CCDC85A: variants seen among roughly 807,000 people sequenced by gnomAD.
The protein encoded by CCDC85A is coiled-coil domain containing 85A, also known as coiled-coil domain-containing protein 85A.
In CCDC85A, 38 loss-of-function variants were observed where a neutral mutation model predicts 50.2. That is an observed-to-expected ratio of 0.76 (90% CI 0.58 to 0.99). The LOEUF is 0.99. Among genes scored for constraint, CCDC85A ranks in the 50% least tolerant of loss-of-function variants. CCDC85A has a pLI of 0.00. For missense variants in CCDC85A, 820 were observed against 742.0 expected (o/e 1.11, Z -1.22); for synonymous variants, 366 against 301.4 (o/e 1.21, Z -2.22).
intron 3 of CCDC85A, among the ~76,000 whole-genome samples, chr2:56,366,985 C>T (rs1392021058): frequency 6.6e-6 from 1 of 152,062 alleles, no homozygotes; most frequent in Non-Finnish European, 1.5e-5. Flanking sequence ...TGTCAGGGCC[C>T]CCACTTCTAT....
intron 3 of CCDC85A, among the ~76,000 whole-genome samples, chr2:56,354,889 A>G (rs1480773444): frequency 6.6e-6 from 1 of 152,232 alleles, no homozygotes; most frequent in Non-Finnish European, 1.5e-5. Flanking sequence ...TTTGAAAAAC[A>G]GCCCAGCCAC....
intron 5 of CCDC85A, among the ~76,000 whole-genome samples, chr2:56,381,617 A>G (rs1676589742): frequency 6.6e-6 from 1 of 152,130 alleles, no homozygotes; most frequent in Non-Finnish European, 1.5e-5. Flanking sequence ...AGTCAGGAGT[A>G]CACCAAGATT....
chr2:56,286,228 A>G (rs2104123466), intron 2 of CCDC85A, among the ~76,000 whole-genome samples: 1 of 152,138 alleles, frequency 6.6e-6, no homozygotes, highest in Non-Finnish European at 1.5e-5. Context: ...TTTATGGTTC[A>G]CTGAGCTTTT....
chr2:56,236,375 G>A lies in CCDC85A; in HGVS notation c.1240+42935G>A, dbSNP rs193078134. Among the ~76,000 whole-genome samples the A allele has an allele frequency of 3.0e-4, 46 of 152,194 alleles. 1 individual carries two copies. The highest frequency in any genetic ancestry group is 2.1e-3 in the East Asian group (11 of 5,166). ...GAATGTTGAGAGAGTTGAGGCAGCC[G>A]GGAGAATGGGACAGATGACAAGGCA... On this transcript the variant is annotated intron_variant, in intron 2 of 5. Coordinates refer to ENST00000407595, the MANE Select transcript of CCDC85A (RefSeq NM_001080433.2).
chr2:56,184,911 G>A lies in CCDC85A; in HGVS notation c.276+11G>A. The A allele has an allele frequency of 2.7e-6, 4 of 1,482,642 alleles. No homozygotes were observed. Among genetic ancestry groups the A allele is most frequent in the South Asian group, 1.3e-5 (1 of 76,010 alleles). 91.8% of individuals were successfully genotyped at this position (1,482,642 alleles called of 1,614,324 possible). A position where few individuals can be genotyped will look rare whatever the true frequency, so the allele number is the denominator to read the frequency against. ...ATCCGCGGCCTCAAGGTGAGCGCGG[G>A]CCAGGTGGGGAGGCGCGGCGCGGCT... On this transcript the variant is annotated intron_variant, in intron 1 of 5. Transcript: ENST00000407595.
chr2:56,378,199 G>A (rs751326773), intron 5 of CCDC85A, among the ~76,000 whole-genome samples: 1 of 152,186 alleles, frequency 6.6e-6, no homozygotes, highest in Non-Finnish European at 1.5e-5. Context: ...TTTATATCAT[G>A]AGATATGTCT....
intron 3 of CCDC85A, among the ~76,000 whole-genome samples, chr2:56,363,204 C>T (rs1323510552): frequency 6.6e-6 from 1 of 152,120 alleles, no homozygotes; most frequent in African/African-American, 2.4e-5. Flanking sequence ...AATAAGAGCT[C>T]ATGCTTCCAT....
chr2:56,325,757 A>T (rs1471799647), intron 2 of CCDC85A, among the ~76,000 whole-genome samples: 1 of 152,044 alleles, frequency 6.6e-6, no homozygotes, highest in African/African-American at 2.4e-5. Context: ...AGCTTGTGAA[A>T]TTTTTTGCAC....
In CCDC85A at chr2:56,385,664, C is replaced by G. The variant is rs1032721168; in HGVS notation, c.*1309C>G. 2.0e-5 allele frequency: 3 copies of G among 151,942 alleles called. No individual in the cohort carries two copies. Among genetic ancestry groups the G allele is most frequent in the Non-Finnish European group, 3.0e-5 (2 of 67,792 alleles). The allele number at this position is 151,942 out of a possible 1,614,324, so 9.4% of individuals were successfully genotyped here. A position where few individuals can be genotyped will look rare whatever the true frequency, so the allele number is the denominator to read the frequency against. ...TGAGATTTGATTCATGGCAGATATT[C>G]TCTGTTGTTGTTGTTTTAGATGGGC... On this transcript the variant is annotated 3_prime_UTR_variant, in exon 6 of 6. Coordinates refer to ENST00000407595, the MANE Select transcript of CCDC85A (RefSeq NM_001080433.2).
chr2:56,243,688 A>G (rs749956423), intron 2 of CCDC85A, among the ~76,000 whole-genome samples: 6 of 151,998 alleles, frequency 3.9e-5, no homozygotes, highest in Non-Finnish European at 7.4e-5. Context: ...CAGGATCTTG[A>G]TGTTTGTAGA....
chr2:56,184,569 C>G lies in CCDC85A; in HGVS notation c.-56C>G. On this transcript the variant is annotated 5_prime_UTR_variant, in exon 1 of 6. Coordinates refer to ENST00000407595, the MANE Select transcript of CCDC85A (RefSeq NM_001080433.2). ...GGAGGCGGCCTCGCCGCGCCCGCGC[C>G]TTCGGGAGTCGCCTCGCCTCTTCCA... is the stretch of plus-strand genomic sequence containing the variant. 1 of 1,364,472 alleles carries G rather than the reference C, an allele frequency of 7.3e-7. No homozygotes were observed. The highest frequency in any genetic ancestry group is 9.4e-7 in the Non-Finnish European group (1 of 1,068,504). 84.5% of individuals were successfully genotyped at this position (1,364,472 alleles called of 1,614,324 possible). A position where few individuals can be genotyped will look rare whatever the true frequency, so the allele number is the denominator to read the frequency against.
intron 2 of CCDC85A, among the ~76,000 whole-genome samples, chr2:56,242,037 T>G (rs1001390161): frequency 1.3e-4 from 20 of 152,206 alleles, no homozygotes; most frequent in African/African-American, 4.6e-4. Context: ...TAGAGTGAGA[T>G]GGTCTCTCAT....
chr2:56,301,533 G>A (rs1450037749), intron 2 of CCDC85A, among the ~76,000 whole-genome samples: 1 of 152,052 alleles, frequency 6.6e-6, no homozygotes, highest in Non-Finnish European at 1.5e-5. Flanking sequence ...TTATTTTTTT[G>A]ATAACATGAT....
At chr2:56,276,573 T>C (rs182832236) in intron 2 of CCDC85A, among the ~76,000 whole-genome samples, 1 of 152,234 alleles carries the variant, frequency 6.6e-6, no homozygotes, top group East Asian at 1.9e-4. Flanking sequence ...TCTCATTCTC[T>C]CTCTTGCCGC....
chr2:56,237,078 G>A (rs1333358297), intron 2 of CCDC85A, among the ~76,000 whole-genome samples: 1 of 152,118 alleles, frequency 6.6e-6, no homozygotes, highest in Admixed American at 6.6e-5. Flanking sequence ...ATTTCTTAAT[G>A]ATGCTTATTT....
intron 2 of CCDC85A, among the ~76,000 whole-genome samples, chr2:56,303,947 C>A (rs1031710097): frequency 3.9e-5 from 6 of 152,154 alleles, no homozygotes; most frequent in African/African-American, 1.4e-4. Context: ...TGAAGTTCGT[C>A]ATCTCAGGTA....
At chr2:56,351,584 G>A (rs1250230755) in intron 3 of CCDC85A, among the ~76,000 whole-genome samples, 2 of 142,714 alleles carry the variant, frequency 1.4e-5, no homozygotes, top group Non-Finnish European at 3.0e-5. Flanking sequence ...GTTTTGATTT[G>A]CATTTCTCTG....
At chr2:56,332,065 T>G (rs1673832446) in intron 2 of CCDC85A, among the ~76,000 whole-genome samples, 1 of 151,624 alleles carries the variant, frequency 6.6e-6, no homozygotes. Context: ...TCCACTGGGG[T>G]GGGATGGGAG....
intron 2 of CCDC85A, among the ~76,000 whole-genome samples, chr2:56,242,668 T>G (rs371872868): frequency 6.6e-6 from 1 of 152,122 alleles, no homozygotes; most frequent in African/African-American, 2.4e-5. Context: ...ATATCCAAAC[T>G]ATATCGGGTA....
Sources: allele counts gnomAD v4.1 joint callset (sites outside exome capture counted in the v4.1 genomes callset), GRCh38; gene constraint gnomAD v4.1.1; transcripts MANE v1.5; gene names NCBI Gene and HGNC (gene_info 2026-07-23, HGNC 2026-07-21).